Variants in LATS2 observed in about 807,000 individuals in gnomAD.
The protein encoded by LATS2 is large tumor suppressor kinase 2.
A neutral mutation model predicts 76.0 loss-of-function variants in LATS2; 24 were observed. That is an observed-to-expected ratio of 0.32 (90% CI 0.23 to 0.44). The LOEUF (loss-of-function observed/expected upper bound fraction) is 0.44, where lower values mean the gene tolerates loss of function less well. Among genes scored for constraint, LATS2 ranks in the 20% least tolerant of loss-of-function variants. The probability of loss-of-function intolerance (pLI) is 1.00; values close to 1 mark genes in which losing one functional copy is unlikely to be tolerated. For synonymous variants in LATS2, 692 were observed against 635.4 expected (o/e 1.09, Z -1.34); for missense variants, 1,286 against 1,481.2 (o/e 0.87, Z 2.16).
chr13:20,978,970 C>T (rs1390547618), intron 7 of LATS2, among the ~76,000 whole-genome samples: 2 of 152,092 alleles, frequency 1.3e-5, no homozygotes, highest in East Asian at 3.9e-4. Flanking sequence ...CCATGTTGCC[C>T]AGGCTGGTCT....
intron 7 of LATS2, among the ~76,000 whole-genome samples, chr13:20,977,468 G>C (rs1869674053): frequency 6.6e-6 from 1 of 151,888 alleles, no homozygotes; most frequent in African/African-American, 2.4e-5. Context: ...TGCTGAAAAG[G>C]AGAGTGGGGA....
At chr13:21,040,623 G>A (rs1872844693) in intron 2 of LATS2, among the ~76,000 whole-genome samples, 1 of 152,084 alleles carries the variant, frequency 6.6e-6, no homozygotes, top group South Asian at 2.1e-4. Flanking sequence ...CTGTGTGGCT[G>A]AGACACTGCA....
In LATS2 at chr13:21,007,725, A is replaced by G. The variant is rs1238459961; in HGVS notation, c.343-16321T>C. Among the ~76,000 whole-genome samples, 6 of 3,208 alleles carry G rather than the reference A, an allele frequency of 1.9e-3. 2 individuals carry two copies. The South Asian group carries it at 0.14, about 74-fold the overall frequency. The allele number at this position is 3,208 out of a possible 152,430, so 2.1% of individuals were successfully genotyped here. A position where few individuals can be genotyped will look rare whatever the true frequency, so the allele number is the denominator to read the frequency against. Reference sequence around the variant, plus strand: ...GTATGTATATATATATATATATAGTATATATATATAGTATATATATATATA... The same window carrying G: ...GTATGTATATATATATATATATAGTGTATATATATAGTATATATATATATA... On this transcript the variant is annotated intron_variant, in intron 2 of 7. Transcript: ENST00000382592.
chr13:21,038,764 G>A (rs1032367153), intron 2 of LATS2: 5 of 152,202 alleles, frequency 3.3e-5, no homozygotes, highest in African/African-American at 1.2e-4. Flanking sequence ...ATCACCTGAG[G>A]TCAGGAGTTC....
chr13:20,981,054 C>T (rs573662054), intron 6 of LATS2, among the ~76,000 whole-genome samples: 1 of 152,302 alleles, frequency 6.6e-6, no homozygotes, highest in African/African-American at 2.4e-5. Flanking sequence ...GTCACATAAG[C>T]ACCCAGCTGC....
chr13:21,039,963 C>T (rs1224187232), intron 2 of LATS2, among the ~76,000 whole-genome samples: 1 of 152,002 alleles, frequency 6.6e-6, no homozygotes, highest in Non-Finnish European at 1.5e-5. Flanking sequence ...ATCCCAGCTA[C>T]TTGGGAGGCT....
Position 21,060,977 on chromosome 13 carries a change from C to T in LATS2, c.-205+369G>A, listed in dbSNP as rs1322227104. Among the ~76,000 whole-genome samples the T allele has an allele frequency of 2.0e-5, 3 of 151,336 alleles. No homozygotes were observed. The East Asian group carries it at 5.9e-4, about 30-fold the overall frequency. ...GCCTTTCGGGTCTAGGACACCGCCC[C>T]CGGCCCGCGCCGCCCCTGCCCCGCC... On this transcript the variant is annotated intron_variant, in intron 1 of 7. Transcript: ENST00000382592.
chr13:20,983,080 G>T, intron 5 of LATS2, 144 bp downstream of exon 5: 4 of 578,310 alleles, frequency 6.9e-6, no homozygotes, highest in Non-Finnish European at 1.2e-5. Flanking sequence ...AGGGAAGGAT[G>T]TCACACCAAT....
chr13:21,003,175 T>G (rs1002058464), intron 2 of LATS2, among the ~76,000 whole-genome samples: 1 of 152,284 alleles, frequency 6.6e-6, no homozygotes, highest in South Asian at 2.1e-4. Context: ...CTTCAAAAAA[T>G]GAGACTGTTC....
At chr13:20,990,885 G>A (rs1397131423) in intron 3 of LATS2, among the ~76,000 whole-genome samples, 1 of 152,204 alleles carries the variant, frequency 6.6e-6, no homozygotes, top group African/African-American at 2.4e-5. Flanking sequence ...TTAGAATTGA[G>A]GAAAGAAGCC....
intron 1 of LATS2, among the ~76,000 whole-genome samples, chr13:21,050,119 C>CATAGATAGATAG (rs576222992): frequency 7.8e-4 from 21 of 26,836 alleles, no homozygotes; most frequent in African/African-American, 1.5e-3. Flanking sequence ...GACTCTGTCT[C>CATAGATAGATAG]ATAGACAGAT....
At chr13:21,030,528 G>A (rs1872482706) in intron 2 of LATS2, among the ~76,000 whole-genome samples, 1 of 145,256 alleles carries the variant, frequency 6.9e-6, no homozygotes, top group Admixed American at 7.1e-5. Context: ...AGCGGAGCTT[G>A]CAGCGAGCTG....
chr13:21,053,877 T>C (rs1423157358), intron 1 of LATS2, among the ~76,000 whole-genome samples: 13 of 152,156 alleles, frequency 8.5e-5, no homozygotes, highest in Non-Finnish European at 1.9e-4. Flanking sequence ...GGCAAATTCA[T>C]AGAGACAGAA....
intron 2 of LATS2, among the ~76,000 whole-genome samples, chr13:21,044,975 G>A (rs75871879): frequency 0.014 from 2,097 of 152,064 alleles, 53 homozygotes; most frequent in African/African-American, 0.047. Flanking sequence ...TGATCTTCTT[G>A]ACTGGCCTCC....
chr13:21,025,393 CAAAAAAAAAA>C (rs1171981071), intron 2 of LATS2, among the ~76,000 whole-genome samples: 1 of 49,754 alleles, frequency 2.0e-5, no homozygotes, highest in Non-Finnish European at 4.3e-5. Flanking sequence ...ACTCCGTCTC[CAAAAAAAAAA>C]AAAAAAAAAA....
Position 20,973,470 on chromosome 13 carries a change from A to C in LATS2, c.*1400T>G. On this transcript the variant is annotated 3_prime_UTR_variant, in exon 8 of 8. Coordinates refer to ENST00000382592, the MANE Select transcript of LATS2 (RefSeq NM_014572.3). ...TTTACTCAAATATAAATCACTTTAA[A>C]TAGGAATCATACTAATTTGAAATAA... 1 of 232,692 alleles carries C rather than the reference A, an allele frequency of 4.3e-6. No homozygotes were observed. The highest frequency in any genetic ancestry group is 8.5e-6 in the Non-Finnish European group (1 of 117,524). 14.4% of individuals were successfully genotyped at this position (232,692 alleles called of 1,614,324 possible). A position where few individuals can be genotyped will look rare whatever the true frequency, so the allele number is the denominator to read the frequency against.
chr13:21,002,205 G>A (rs1984160), intron 2 of LATS2, among the ~76,000 whole-genome samples: 82,868 of 151,718 alleles, frequency 0.55, 25,923 homozygotes, highest in Non-Finnish European at 0.7. Flanking sequence ...GAGCCACTGC[G>A]CCCGGCCAAA....
In LATS2 at chr13:20,983,576, C is replaced by A; in HGVS notation, c.2130G>T (p.Val710=). ...RKKDVLNRNQ[V]AHVKAERDIL... ...TGTCCCTCTCGGCCTTGACGTGGGC[C>A]ACCTGATTCCGGTTCAGGACATCCT... The change falls in exon 5 of 8, where the codon GTG becomes GTT. Residue 710 remains valine, a synonymous_variant. Coordinates refer to ENST00000382592, the MANE Select transcript of LATS2 (RefSeq NM_014572.3). The A allele has an allele frequency of 6.2e-7, 1 of 1,614,116 alleles. No homozygotes were observed. The highest frequency in any genetic ancestry group is 8.5e-7 in the Non-Finnish European group (1 of 1,180,020).
intron 2 of LATS2, among the ~76,000 whole-genome samples, chr13:21,029,610 G>A (rs1484317335): frequency 6.6e-6 from 1 of 152,042 alleles, no homozygotes; most frequent in African/African-American, 2.4e-5. Flanking sequence ...GGCCAATATG[G>A]TGAAACCCCA....
Sources: gnomAD v4.1 joint callset for allele counts (sites outside exome capture counted in the v4.1 genomes callset) on GRCh38, gnomAD v4.1.1 for gene constraint, MANE v1.5 for transcripts, NCBI Gene and HGNC (gene_info 2026-07-23, HGNC 2026-07-21) for gene names.